Variants in POU2AF2 observed in about 807,000 individuals in gnomAD.
POU2AF2 encodes the protein POU domain class 2-associating factor 2.
chr11:111,281,457 A>G, the POU2AF2 span: 3 of 1,612,598 alleles, frequency 1.9e-6, no homozygotes, highest in Non-Finnish European at 8.5e-7. Flanking sequence ...ACTTTAATTC[A>G]ATAAGCAATT....
At chr11:111,273,572 T>C in the POU2AF2 span, among the ~76,000 whole-genome samples, 1 of 152,264 alleles carries the variant, frequency 6.6e-6, no homozygotes, top group Admixed American at 6.5e-5. Context: ...TTTTCTAAAC[T>C]AAATTTTATC....
chr11:111,283,625 T>C, the POU2AF2 span, among the ~76,000 whole-genome samples: 40,463 of 152,012 alleles, frequency 0.27, 5,695 homozygotes, highest in Admixed American at 0.34. Flanking sequence ...GGTGGGGTTA[T>C]ATGTGTTACC....
At chr11:111,246,488 T>C in the POU2AF2 span, among the ~76,000 whole-genome samples, 1 of 152,200 alleles carries the variant, frequency 6.6e-6, no homozygotes, top group Non-Finnish European at 1.5e-5. Context: ...ATTGAAAAAG[T>C]CAGCACTTTA....
chr11:111,284,539 G>A, the POU2AF2 span, among the ~76,000 whole-genome samples: 1 of 152,230 alleles, frequency 6.6e-6, no homozygotes, highest in Non-Finnish European at 1.5e-5. Context: ...CACCCTCCGA[G>A]GGAGCCTTGT....
the POU2AF2 span, among the ~76,000 whole-genome samples, chr11:111,248,359 G>A: frequency 2.9e-3 from 442 of 152,280 alleles, 2 homozygotes; most frequent in Admixed American, 4.8e-3. Context: ...CACCAGAGCT[G>A]GTACCTGAGC....
chr11:111,284,155 T>A, the POU2AF2 span: 1 of 1,614,152 alleles, frequency 6.2e-7, no homozygotes, highest in South Asian at 1.1e-5. Context: ...GTAAACAGTT[T>A]TCAAATGACG....
At chr11:111,285,968 A>G in the POU2AF2 span, 6 of 1,613,850 alleles carry the variant, frequency 3.7e-6, no homozygotes, top group Non-Finnish European at 5.1e-6. Flanking sequence ...GGAAGCAGAC[A>G]CCGGTTCCCT....
chr11:111,252,548 C>A, the POU2AF2 span, among the ~76,000 whole-genome samples: 2 of 151,768 alleles, frequency 1.3e-5, no homozygotes, highest in African/African-American at 4.8e-5. Context: ...GCTTGATGTG[C>A]ACTAGAGCGG....
chr11:111,266,471 G>T, the POU2AF2 span, among the ~76,000 whole-genome samples: 1 of 152,074 alleles, frequency 6.6e-6, no homozygotes, highest in Non-Finnish European at 1.5e-5. Flanking sequence ...AGTTAGCCAG[G>T]AATATAGGGA....
chr11:111,261,344 T>G, the POU2AF2 span, among the ~76,000 whole-genome samples: 1 of 151,898 alleles, frequency 6.6e-6, no homozygotes, highest in African/African-American at 2.4e-5. Context: ...TTCAATTGAG[T>G]TCTATAAAAG....
At chr11:111,276,574 G>A in the POU2AF2 span, among the ~76,000 whole-genome samples, 6 of 146,230 alleles carry the variant, frequency 4.1e-5, no homozygotes, top group Admixed American at 6.8e-5. Context: ...CCCAGGAGGC[G>A]GAGGTTGCCG....
the POU2AF2 span, among the ~76,000 whole-genome samples, chr11:111,265,577 A>C: frequency 1.3e-5 from 2 of 152,134 alleles, no homozygotes; most frequent in African/African-American, 2.4e-5. Flanking sequence ...GAAATTTGAT[A>C]ATGTCTACAA....
the POU2AF2 span, among the ~76,000 whole-genome samples, chr11:111,280,055 A>ATATATATATATATATATAT: frequency 4.6e-5 from 3 of 65,724 alleles, no homozygotes; most frequent in African/African-American, 1.3e-4. Context: ...AAAAAAAAAA[A>ATATATATATATATATATAT]AAATATATAT....
At chr11:111,278,384 T>A in the POU2AF2 span, among the ~76,000 whole-genome samples, 1 of 152,200 alleles carries the variant, frequency 6.6e-6, no homozygotes, top group African/African-American at 2.4e-5. Context: ...TATTACAGAT[T>A]GCAATTGCAC....
At chr11:111,285,834 T>C in the POU2AF2 span, 1 of 1,609,538 alleles carries the variant, frequency 6.2e-7, no homozygotes, top group Non-Finnish European at 8.5e-7. Flanking sequence ...TCATACTCGC[T>C]GCATGCTCTG....
At chr11:111,268,476 TTTTTTATTTTA>T in the POU2AF2 span, among the ~76,000 whole-genome samples, 13 of 88,598 alleles carry the variant, frequency 1.5e-4, no homozygotes, top group East Asian at 1.2e-3. Flanking sequence ...ACATTTTTCT[TTTTTTATTTTA>T]TTTTATTTTA....
At chr11:111,259,760 T>G in the POU2AF2 span, among the ~76,000 whole-genome samples, 1 of 152,222 alleles carries the variant, frequency 6.6e-6, no homozygotes. Context: ...GTTCTAACCA[T>G]GGTAGCTATT....
chr11:111,267,250 G>A, the POU2AF2 span, among the ~76,000 whole-genome samples: 1 of 152,156 alleles, frequency 6.6e-6, no homozygotes, highest in Non-Finnish European at 1.5e-5. Context: ...ATCCAGTGGG[G>A]GGAATATATG....
At chr11:111,271,475 G>A in the POU2AF2 span, among the ~76,000 whole-genome samples, 3 of 151,926 alleles carry the variant, frequency 2.0e-5, no homozygotes, top group African/African-American at 7.3e-5. Flanking sequence ...AGGCTGGAGT[G>A]CAGTGGCATG....
Sources: allele counts gnomAD v4.1 joint callset (sites outside exome capture counted in the v4.1 genomes callset), GRCh38; gene constraint gnomAD v4.1.1; transcripts MANE v1.5; gene names NCBI Gene and HGNC (gene_info 2026-07-23, HGNC 2026-07-21).